AP4S1: variants seen among roughly 807,000 people sequenced by gnomAD.
AP4S1 encodes AP-4 complex subunit sigma-1.
A neutral mutation model predicts 19.8 loss-of-function variants in AP4S1; 23 were observed. That is an observed-to-expected ratio of 1.16 (90% CI 0.84 to 1.65). AP4S1 has a LOEUF of 1.65. Among genes scored for constraint, AP4S1 ranks in the 40% most tolerant of loss-of-function variants. The pLI is 0.00. For synonymous variants in AP4S1, 46 were observed against 54.1 expected (o/e 0.85, Z 0.66); for missense variants, 166 against 172.8 (o/e 0.96, Z 0.22).
chr14:31,051,599 ATT>A (rs531697656), intron 1 of AP4S1, among the ~76,000 whole-genome samples: 6 of 152,322 alleles, frequency 3.9e-5, no homozygotes, highest in Middle Eastern at 3.4e-3. Context: ...TGGCATTTTG[ATT>A]TTGCGACTTA....
chr14:31,062,046 T>C (rs940045282), intron 1 of AP4S1, among the ~76,000 whole-genome samples: 5 of 152,176 alleles, frequency 3.3e-5, no homozygotes, highest in African/African-American at 7.2e-5. Context: ...GTTTTGTATA[T>C]AGCAAATAGT....
intron 4 of AP4S1, among the ~76,000 whole-genome samples, chr14:31,079,051 A>C (rs1026813217): frequency 6.6e-6 from 1 of 152,218 alleles, no homozygotes; most frequent in Non-Finnish European, 1.5e-5. Context: ...TCTCAGCATC[A>C]CATTTTTAAA....
chr14:31,047,532 C>G (rs963224578), intron 1 of AP4S1, among the ~76,000 whole-genome samples: 2 of 151,750 alleles, frequency 1.3e-5, no homozygotes, highest in Middle Eastern at 3.2e-3. Flanking sequence ...GGACTACATA[C>G]AGGCGCCCGC....
intron 4 of AP4S1, among the ~76,000 whole-genome samples, chr14:31,076,755 T>TGTGTCTAG (rs1334445278): frequency 6.6e-6 from 1 of 152,190 alleles, no homozygotes; most frequent in African/African-American, 2.4e-5. Context: ...CATTGATCTC[T>TGTGTCTAG]GTGTCTAGCC....
intron 1 of AP4S1, among the ~76,000 whole-genome samples, chr14:31,045,450 G>A (rs943393830): frequency 3.9e-5 from 6 of 152,094 alleles, no homozygotes; most frequent in African/African-American, 1.4e-4. Context: ...TGAGTGAGAT[G>A]ACATCTGCTG....
intron 1 of AP4S1, 103 bp downstream of exon 1, chr14:31,025,890 C>A: frequency 1.3e-6 from 2 of 1,596,168 alleles, no homozygotes; most frequent in Non-Finnish European, 1.7e-6. Context: ...CGCACACCGA[C>A]CCCAACGAGG....
rs144004389 is a variant in AP4S1, at chr14:31,077,000, C to T, written c.295-3573C>T. ...AGGTTGGAGTGCAATGGCGTGATCT[C>T]GGCTCACTGCAACCTCCGTCCCGGG... On this transcript the variant is annotated intron_variant, in intron 4 of 5. Coordinates refer to ENST00000542754, the MANE Select transcript of AP4S1 (RefSeq NM_001128126.3). 5.0e-3 allele frequency among the ~76,000 whole-genome samples: 766 copies of T among 152,212 alleles called. 7 individuals carry two copies. The highest frequency in any genetic ancestry group is 0.017 in the African/African-American group (716 of 41,518).
intron 1 of AP4S1, among the ~76,000 whole-genome samples, chr14:31,037,599 A>T (rs1232184691): frequency 6.6e-6 from 1 of 152,180 alleles, no homozygotes; most frequent in African/African-American, 2.4e-5. Flanking sequence ...TGTAAATTTA[A>T]GTATATATAT....
chr14:31,090,961 G>A (rs1679746816), intron 5 of AP4S1, among the ~76,000 whole-genome samples: 1 of 152,246 alleles, frequency 6.6e-6, no homozygotes, highest in Admixed American at 6.5e-5. Context: ...ACAGTATACA[G>A]TGACCTCACT....
intron 1 of AP4S1, among the ~76,000 whole-genome samples, chr14:31,045,157 C>A (rs1885322834): frequency 6.6e-6 from 1 of 152,162 alleles, no homozygotes; most frequent in African/African-American, 2.4e-5. Context: ...CCGCTTCGGC[C>A]TCCCAAAGCG....
intron 5 of AP4S1, among the ~76,000 whole-genome samples, chr14:31,092,687 A>G (rs1379200007): frequency 1.3e-5 from 2 of 152,144 alleles, no homozygotes; most frequent in Non-Finnish European, 2.9e-5. Context: ...TTTTATCCCT[A>G]CTTATCCTGT....
chr14:31,083,414 T>C (rs10483353), intron 5 of AP4S1: 31,179 of 446,736 alleles, frequency 0.07, 1,869 homozygotes, highest in African/African-American at 0.22. Context: ...GCTCCAGGTT[T>C]GATCTCACTT....
rs3784159 is a variant in AP4S1, at chr14:31,033,445, C to A, written c.-72+7658C>A. On this transcript the variant is annotated intron_variant, in intron 1 of 5. Coordinates refer to ENST00000542754, the MANE Select transcript of AP4S1 (RefSeq NM_001128126.3). ...GCCAGGCTGGCCTTGAACTCCTGACCTTGTGATCCACCCGCCTCAGCCTCC... is the reference window on the plus strand; with the variant it reads ...GCCAGGCTGGCCTTGAACTCCTGACATTGTGATCCACCCGCCTCAGCCTCC... Among the ~76,000 whole-genome samples, 53 of 152,162 alleles carry A rather than the reference C, an allele frequency of 3.5e-4. No homozygotes were observed. In the East Asian group the frequency reaches 6.2e-3, roughly 18 times the overall value.
chr14:31,069,693 T>C, intron 2 of AP4S1, 150 bp from the exon 3 acceptor site: 1 of 711,012 alleles, frequency 1.4e-6, no homozygotes, highest in Non-Finnish European at 2.5e-6. Context: ...CTGAATATTG[T>C]GAGAAGGTCA....
chr14:31,033,205 A>G (rs1471982638), intron 1 of AP4S1, among the ~76,000 whole-genome samples: 1 of 152,078 alleles, frequency 6.6e-6, no homozygotes, highest in Non-Finnish European at 1.5e-5. Context: ...ACTCAGGGAA[A>G]TGACATAGTG....
At position 31,052,760 on chromosome 14, in the gene AP4S1, C is replaced by A. The variant is rs117334386; in HGVS notation, c.-71-13366C>A. Among the ~76,000 whole-genome samples the A allele has an allele frequency of 9.2e-4, 136 of 147,738 alleles. No individual in the cohort carries two copies. In the East Asian group the frequency reaches 0.018, roughly 20 times the overall value. On this transcript the variant is annotated intron_variant, in intron 1 of 5. Coordinates refer to ENST00000542754, the MANE Select transcript of AP4S1 (RefSeq NM_001128126.3). ...AAAAAAAAAAAAAGGTAGAATCAAT[C>A]ATTTTCATGATTTGTTGTTGCATTC... is the stretch of plus-strand genomic sequence containing the variant.
At chr14:31,085,163 G>A in intron 5 of AP4S1, 9 of 1,208,030 alleles carry the variant, frequency 7.5e-6, no homozygotes, top group Non-Finnish European at 9.3e-6. Context: ...CCATCATGGG[G>A]CAGATGCCCA....
intron 1 of AP4S1, among the ~76,000 whole-genome samples, chr14:31,035,798 C>T (rs368836837): frequency 4.0e-5 from 6 of 151,552 alleles, no homozygotes; most frequent in East Asian, 2.0e-4. Flanking sequence ...GGTGCGATCT[C>T]GACTCACTGC....
chr14:31,056,043 C>T (rs1886095789), intron 1 of AP4S1, among the ~76,000 whole-genome samples: 1 of 152,022 alleles, frequency 6.6e-6, no homozygotes, highest in Non-Finnish European at 1.5e-5. Context: ...TGAAGTTTCA[C>T]CATGTTGGCC....
Sources: gnomAD v4.1 joint callset for allele counts (sites outside exome capture counted in the v4.1 genomes callset) on GRCh38, gnomAD v4.1.1 for gene constraint, MANE v1.5 for transcripts, NCBI Gene and HGNC (gene_info 2026-07-23, HGNC 2026-07-21) for gene names.